The following PRSS23 variants were observed in gnomAD, a reference collection of about 807,000 sequenced individuals.
PRSS23 encodes the protein serine protease 23, also known as protease, serine 23.
In PRSS23, 25 loss-of-function variants were observed where a neutral mutation model predicts 34.7. The observed-to-expected ratio is 0.72, with a 90% CI of 0.53 to 1.01. The LOEUF is 1.01. Ranked by LOEUF, PRSS23 falls within the 50% of genes least tolerant of loss-of-function variation. The probability of loss-of-function intolerance (pLI) is 0.00; values close to 1 mark genes in which losing one functional copy is unlikely to be tolerated. For synonymous variants in PRSS23, 176 were observed against 186.6 expected (o/e 0.94, Z 0.46); for missense variants, 445 against 475.6 (o/e 0.94, Z 0.60).
At chr11:86,847,688 A>C (rs887979868) in intron 2 of PRSS23, among the ~76,000 whole-genome samples, 2 of 152,206 alleles carry the variant, frequency 1.3e-5, no homozygotes, top group Non-Finnish European at 2.9e-5. Context: ...CTTAAAAAAG[A>C]AGCAGCTAAT....
intron 2 of PRSS23, among the ~76,000 whole-genome samples, chr11:86,872,065 G>C (rs541617188): frequency 6.6e-6 from 1 of 152,260 alleles, no homozygotes; most frequent in East Asian, 1.9e-4. Flanking sequence ...TAGCAGTAAG[G>C]GGTGTTCAGC....
At chr11:86,839,066 A>AC (rs1239024587) in intron 2 of PRSS23, among the ~76,000 whole-genome samples, 1 of 151,684 alleles carries the variant, frequency 6.6e-6, no homozygotes, top group East Asian at 1.9e-4. Context: ...TAAAAAAAAA[A>AC]AACAACAGAG....
At chr11:86,880,374 C>T (rs1418615413) in intron 2 of PRSS23, among the ~76,000 whole-genome samples, 1 of 151,558 alleles carries the variant, frequency 6.6e-6, no homozygotes, top group South Asian at 2.1e-4. Flanking sequence ...ATCTGCTGAC[C>T]CTCCCTCCAC....
intron 2 of PRSS23, chr11:86,935,060 T>C (rs1949152100): frequency 6.6e-6 from 1 of 152,268 alleles, no homozygotes; most frequent in Admixed American, 6.5e-5. Flanking sequence ...ATAAAGATTG[T>C]GTGATTGTGT....
chr11:86,861,967 A>G lies in PRSS23; in HGVS notation c.206+38374A>G, dbSNP rs536423241. On this transcript the variant is annotated intron_variant, in intron 2 of 2. Coordinates refer to the PRSS23 transcript ENST00000533902. Reference sequence around the variant, plus strand: ...CAGAGGGGGTGTCCACCCAGTTGTGATAATGTTTGCAATATACAGGGGGTG... The same window carrying G: ...CAGAGGGGGTGTCCACCCAGTTGTGGTAATGTTTGCAATATACAGGGGGTG... Among the ~76,000 whole-genome samples the G allele has an allele frequency of 1.9e-3, 287 of 151,692 alleles. 5 individuals are homozygous for G. Among genetic ancestry groups the G allele is most frequent in the African/African-American group, 6.6e-3 (273 of 41,308 alleles).
chr11:86,819,902 C>T (rs1231318467), intron 1 of PRSS23, among the ~76,000 whole-genome samples: 1 of 152,212 alleles, frequency 6.6e-6, no homozygotes, highest in African/African-American at 2.4e-5. Flanking sequence ...TGCCTCATTA[C>T]AATCAGTTTG....
intron 2 of PRSS23, among the ~76,000 whole-genome samples, chr11:86,917,079 G>A (rs1215924040): frequency 6.6e-6 from 1 of 152,208 alleles, no homozygotes; most frequent in Non-Finnish European, 1.5e-5. Flanking sequence ...CAGCACTTTG[G>A]GAGGCCAAGG....
chr11:86,893,117 T>A (rs1331383286), intron 2 of PRSS23, among the ~76,000 whole-genome samples: 1 of 152,164 alleles, frequency 6.6e-6, no homozygotes, highest in African/African-American at 2.4e-5. Context: ...AGATTGCAGT[T>A]ATGCTAACAC....
chr11:86,813,716 T>C (rs1359366088), downstream of PRSS23, among the ~76,000 whole-genome samples: 1 of 152,220 alleles, frequency 6.6e-6, no homozygotes, highest in Non-Finnish European at 1.5e-5. Context: ...ATATAATTTT[T>C]AATATTTTTT....
intron 1 of PRSS23, among the ~76,000 whole-genome samples, chr11:86,800,982 G>T (rs528402434): frequency 3.4e-4 from 51 of 152,196 alleles, no homozygotes; most frequent in African/African-American, 1.2e-3. Flanking sequence ...CCTTCGGCGG[G>T]GGCGATGGCT....
At chr11:86,856,291 G>A (rs1241815988) in intron 2 of PRSS23, among the ~76,000 whole-genome samples, 1 of 150,756 alleles carries the variant, frequency 6.6e-6, no homozygotes, top group African/African-American at 2.4e-5. Context: ...GATCCCTCTA[G>A]GAACTTCATC....
intron 1 of PRSS23, among the ~76,000 whole-genome samples, chr11:86,823,181 G>A (rs1948266181): frequency 6.6e-6 from 1 of 152,158 alleles, no homozygotes; most frequent in Admixed American, 6.5e-5. Context: ...TAATAAGGAT[G>A]ATACATACAA....
chr11:86,845,628 C>T (rs1157411708), intron 2 of PRSS23, among the ~76,000 whole-genome samples: 2 of 152,158 alleles, frequency 1.3e-5, no homozygotes, highest in African/African-American at 4.8e-5. Context: ...TCAGGACTTA[C>T]TTCAGTCCTG....
chr11:86,880,047 G>A (rs373775017), intron 2 of PRSS23, among the ~76,000 whole-genome samples: 2 of 151,170 alleles, frequency 1.3e-5, no homozygotes, highest in Admixed American at 6.6e-5. Flanking sequence ...GATGGTTGCC[G>A]TGTCTGTGTA....
intron 1 of PRSS23, among the ~76,000 whole-genome samples, chr11:86,818,200 CTT>C (rs1948227220): frequency 6.6e-6 from 1 of 152,194 alleles, no homozygotes; most frequent in South Asian, 2.1e-4. Flanking sequence ...TACCTAAAAA[CTT>C]TGTATCATCA....
At chr11:86,831,847 A>C (rs771394302) in intron 2 of PRSS23, among the ~76,000 whole-genome samples, 1 of 151,950 alleles carries the variant, frequency 6.6e-6, no homozygotes, top group Non-Finnish European at 1.5e-5. Context: ...GTAATATCCT[A>C]TGCCAGTGTT....
intron 2 of PRSS23, among the ~76,000 whole-genome samples, chr11:86,845,512 C>T (rs566555696): frequency 3.9e-5 from 6 of 152,302 alleles, no homozygotes; most frequent in African/African-American, 1.4e-4. Flanking sequence ...AACAAGAAAT[C>T]AACTCATATG....
At chr11:86,791,457 G>A (rs148916035) in intron 1 of PRSS23, among the ~76,000 whole-genome samples, 2 of 152,360 alleles carry the variant, frequency 1.3e-5, no homozygotes, top group Non-Finnish European at 2.9e-5. Context: ...GCTTCTGTAA[G>A]TACAAATCCT....
At position 86,951,620 on chromosome 11, in the gene PRSS23, A is replaced by G. The variant is rs762138071; in HGVS notation, c.*335A>G. 6.2e-6 allele frequency: 10 copies of G among 1,614,098 alleles called. No homozygotes were observed. Among genetic ancestry groups the G allele is most frequent in the African/African-American group, 1.3e-5 (1 of 74,936 alleles). The stretch of plus-strand genomic sequence containing the variant: ...GAGGGCATCGAGATTTTGGTTTCCA[A>G]CATAGCACAAGCCAGTCAGTTCATC... On this transcript the variant is annotated 3_prime_UTR_variant, in exon 3 of 3. Coordinates refer to the PRSS23 transcript ENST00000533902.
Sources: gnomAD v4.1 joint callset for allele counts (sites outside exome capture counted in the v4.1 genomes callset) on GRCh38, gnomAD v4.1.1 for gene constraint, MANE v1.5 for transcripts, NCBI Gene and HGNC (gene_info 2026-07-23, HGNC 2026-07-21) for gene names.